The following DCTN1 variants were observed in gnomAD, a reference collection of about 807,000 sequenced individuals.
The protein encoded by DCTN1 is dynactin subunit 1, also known as 150 kDa dynein-associated polypeptide.
DCTN1 carries 61 observed loss-of-function variants against 161.2 expected under a neutral mutation model. The ratio of observed to expected loss-of-function variants is 0.38; its 90% CI spans 0.31 to 0.47. The LOEUF (loss-of-function observed/expected upper bound fraction) is 0.47. DCTN1 is among the 20% of genes least tolerant of loss of function. DCTN1 has a pLI of 0.99. For missense variants in DCTN1, 1,404 were observed against 1,623.7 expected, an observed-to-expected ratio of 0.86 and a Z score of 2.33; for synonymous variants, 653 against 632.4, an observed-to-expected ratio of 1.03 and a Z score of -0.49.
intron 18 of DCTN1, 61 bp from the exon 19 acceptor site, chr2:74,367,481 A>C: frequency 1.3e-6 from 2 of 1,593,264 alleles, no homozygotes; most frequent in Non-Finnish European, 1.7e-6. Context: ...AGTTCTTCCC[A>C]AACTGTAGTT....
Position 74,369,836 on chromosome 2 carries a change from A to G in DCTN1, c.1392+129T>C, listed in dbSNP as rs1220321661. The G allele has an allele frequency of 4.9e-6, 4 of 817,350 alleles. No homozygotes were observed. Among genetic ancestry groups the G allele is most frequent in the South Asian group, 1.5e-5 (1 of 64,902 alleles). The allele number at this position is 817,350 out of a possible 1,614,324, so 50.6% of individuals were successfully genotyped here. A position where few individuals can be genotyped will look rare whatever the true frequency, so the allele number is the denominator to read the frequency against. On this transcript the variant is annotated intron_variant, in intron 13 of 31. Transcript: ENST00000628224. This position sits in a 1 kb window ranked among gnomAD's most constrained non-coding sequence, Gnocchi z 4.9. Reference sequence around the variant, plus strand: ...TCTCAGAAAAAAAAAAAAAAAAAAAAGGCAGGGTCAGGGTAGCAAGCCCAG... The same window carrying G: ...TCTCAGAAAAAAAAAAAAAAAAAAAGGGCAGGGTCAGGGTAGCAAGCCCAG...
rs1239381112 is a variant in DCTN1, at chr2:74,370,911, G to A, written c.843+68C>T. 5 of 1,613,274 alleles carry A rather than the reference G, an allele frequency of 3.1e-6. No homozygotes were observed. Among genetic ancestry groups the A allele is most frequent in the Non-Finnish European group, 4.2e-6 (5 of 1,179,934 alleles). ...CAGTATGTTCCAGGCTCCAGCTCCA[G>A]TCTAGTTTCCAGCATGCTTCCTTAG... On this transcript the variant is annotated intron_variant, in intron 9 of 31. Coordinates refer to ENST00000628224, the MANE Select transcript of DCTN1 (RefSeq NM_004082.5). This position sits in a 1 kb window ranked among gnomAD's most constrained non-coding sequence, Gnocchi z 4.4.
rs538291598 is a variant in DCTN1, at chr2:74,362,664, C to T, written c.3595G>A (p.Val1199Ile). Residue 1199 changes from valine to isoleucine, a missense_variant, in exon 30 of 32, where the codon GTC (valine) becomes ATC (isoleucine). This residue lies in a region of DCTN1 where 311 missense variants were observed against 298.9 expected (regional missense o/e 1.04). Transcript: ENST00000628224. Reference protein sequence around the residue: ...VAQLKSLSDTVEKLKDEVLKE... With the variant: ...VAQLKSLSDTIEKLKDEVLKE... Reference sequence around the variant, plus strand: ...ACTGAGCTGACCTTGAGCTTCTCGACGGTGTCACTCAGGGACTTAAGCTGA... The same window carrying T: ...ACTGAGCTGACCTTGAGCTTCTCGATGGTGTCACTCAGGGACTTAAGCTGA... The T allele has an allele frequency of 7.8e-5, 126 of 1,613,890 alleles. 1 individual carries two copies. The South Asian group carries it at 1.3e-3, about 16-fold the overall frequency.
upstream of DCTN1, among the ~76,000 whole-genome samples, chr2:74,383,238 G>A (rs1675593056): frequency 6.6e-6 from 1 of 152,250 alleles, no homozygotes; most frequent in Admixed American, 6.5e-5. Context: ...GTAACGAATT[G>A]TAGATGGTTA....
At position 74,371,009 on chromosome 2, in the gene DCTN1, G is replaced by A; in HGVS notation, c.813C>T (p.Asp271=). 6.2e-7 allele frequency: 1 copy of A among 1,614,106 alleles called. No homozygotes were observed. The highest frequency in any genetic ancestry group is 1.3e-5 in the African/African-American group (1 of 75,054). Reference sequence around the variant, plus strand: ...TCGCCTCCTTGAGGCGCCGCTGCAGGTCGGCCTGCTGCTCCTGCATTTTGC... The same window carrying A: ...TCGCCTCCTTGAGGCGCCGCTGCAGATCGGCCTGCTGCTCCTGCATTTTGC... ...WKSKMQEQQA[D]LQRRLKEARK... Residue 271 remains aspartate, a synonymous_variant, in exon 9 of 32, where the codon GAC becomes GAT. Coordinates refer to ENST00000628224, the MANE Select transcript of DCTN1 (RefSeq NM_004082.5).
At chr2:74,377,521 A>C in intron 3 of DCTN1, 55 bp from the exon 4 acceptor site, 1 of 1,555,122 alleles carries the variant, frequency 6.4e-7, no homozygotes, top group Non-Finnish European at 8.9e-7. Flanking sequence ...GTAGGGGGAG[A>C]TATAATAAGG....
intron 30 of DCTN1, among the ~76,000 whole-genome samples, 175 bp downstream of exon 30, chr2:74,362,475 A>C (rs1054112357): frequency 6.6e-6 from 1 of 152,178 alleles, no homozygotes; most frequent in Non-Finnish European, 1.5e-5. Context: ...TGTTATGAGA[A>C]TCTGTCTTCT....
Position 74,370,099 on chromosome 2 carries a change from C to G in DCTN1, c.1288-30G>C, listed in dbSNP as rs1458875730. The G allele has an allele frequency of 6.2e-7, 1 of 1,614,010 alleles. No individual in the cohort carries two copies. Among genetic ancestry groups the G allele is most frequent in the Non-Finnish European group, 8.5e-7 (1 of 1,180,004 alleles). ...GTTACGGGGAGGATAGGGAGAAGGG[C>G]TGCTGGAAGGTACCTAGAAAGAGGA... On this transcript the variant is annotated intron_variant, in intron 12 of 31. Coordinates refer to ENST00000628224, the MANE Select transcript of DCTN1 (RefSeq NM_004082.5). The surrounding 1 kb of genome is among the most constrained non-coding windows in gnomAD (Gnocchi z 4.4).
Position 74,366,353 on chromosome 2 carries a change from C to T in DCTN1, c.2651G>A (p.Ser884Asn). Reference sequence around the variant, plus strand: ...TGACTGGCGCAGACACTCATAGGGGCTGCTGGAGGGGGTCCCATAGATCTG... The same window carrying T: ...TGACTGGCGCAGACACTCATAGGGGTTGCTGGAGGGGGTCCCATAGATCTG... ...SEQIYGTPSSSPYECLRQSCN... is the reference protein window; with the variant it reads ...SEQIYGTPSSNPYECLRQSCN... Residue 884 changes from serine (S) to asparagine (N), a missense_variant, in exon 23 of 32, where the codon AGC (serine) becomes AAC (asparagine). Ser to Asn is a conservative substitution (Grantham distance 46, BLOSUM62 1). Around this residue, in one of 9 missense-constraint regions of DCTN1, gnomAD observed 475 missense variants for 489.8 expected, o/e 0.97. Coordinates refer to ENST00000628224, the MANE Select transcript of DCTN1 (RefSeq NM_004082.5). The T allele has an allele frequency of 6.2e-7, 1 of 1,614,216 alleles. No individual in the cohort carries two copies. Among genetic ancestry groups the T allele is most frequent in the East Asian group, 2.2e-5 (1 of 44,880 alleles).
In DCTN1 at chr2:74,367,058, C is replaced by T. The variant is rs368869853; in HGVS notation, c.2303G>A (p.Arg768His). ...ATGTGTTCTCACCTGCAAGAAGGCA[C>T]GCAGCCGTCCTACCTCCACACTCAT... ...DCMSVEVGRL[R>H]AFLQGGQEAT... Residue 768 changes from arginine to histidine, a missense_variant, in exon 20 of 32, where the codon CGT becomes CAT. Arg to His is a conservative substitution (Grantham distance 29, BLOSUM62 0). Transcript: ENST00000628224. The T allele has an allele frequency of 2.7e-5, 43 of 1,614,108 alleles. No homozygotes were observed. The highest frequency in any genetic ancestry group is 6.7e-5 in the African/African-American group (5 of 74,926).
rs773394692 is a variant in DCTN1, at chr2:74,370,360, G to T, written c.1128-15C>A. On this transcript the variant is annotated splice_polypyrimidine_tract_variant and intron_variant, in intron 11 of 31. Coordinates refer to ENST00000628224, the MANE Select transcript of DCTN1 (RefSeq NM_004082.5). This position sits in a 1 kb window ranked among gnomAD's most constrained non-coding sequence, Gnocchi z 4.4. ...GATCCCGCATCCTGCAGGGATGTGAGGAAGGCAGAAGGAGGAAAGCACGTG... is the reference window on the plus strand; with the variant it reads ...GATCCCGCATCCTGCAGGGATGTGATGAAGGCAGAAGGAGGAAAGCACGTG... The T allele has an allele frequency of 1.9e-6, 3 of 1,614,014 alleles. No homozygotes were observed. The highest frequency in any genetic ancestry group is 2.5e-6 in the Non-Finnish European group (3 of 1,180,042).
Position 74,370,908 on chromosome 2 carries a change from C to T in DCTN1, c.843+71G>A. On this transcript the variant is annotated intron_variant, in intron 9 of 31. Coordinates refer to ENST00000628224, the MANE Select transcript of DCTN1 (RefSeq NM_004082.5). The surrounding 1 kb of genome is among the most constrained non-coding windows in gnomAD (Gnocchi z 4.4). The stretch of plus-strand genomic sequence containing the variant: ...TCACAGTATGTTCCAGGCTCCAGCT[C>T]CAGTCTAGTTTCCAGCATGCTTCCT... 1.9e-6 allele frequency: 3 copies of T among 1,613,376 alleles called. No homozygotes were observed. Among genetic ancestry groups the T allele is most frequent in the Non-Finnish European group, 2.5e-6 (3 of 1,179,922 alleles).
Position 74,363,510 on chromosome 2 carries a change from C to T in DCTN1, c.3212-83G>A, listed in dbSNP as rs893938235. ...TCCATTCCTACTCTTCCCCTTTCCTCATCCCCCCATCACCCATCTCCAGTC... is the reference window on the plus strand; with the variant it reads ...TCCATTCCTACTCTTCCCCTTTCCTTATCCCCCCATCACCCATCTCCAGTC... On this transcript the variant is annotated intron_variant, in intron 27 of 31. Transcript: ENST00000628224. 7 of 1,596,778 alleles carry T rather than the reference C, an allele frequency of 4.4e-6. No homozygotes were observed. The African/African-American group carries it at 8.0e-5, about 18-fold the overall frequency.
chr2:74,366,024 G>A lies in DCTN1; in HGVS notation c.2761-6C>T. The stretch of plus-strand genomic sequence containing the variant: ...CGCAGTTCAACCGGTGGAGGCTAAG[G>A]AATGGTCGGTAGGGGGTGAGAAAGT... On this transcript the variant is annotated splice_region_variant and splice_polypyrimidine_tract_variant and intron_variant, in intron 23 of 31. Transcript: ENST00000628224. 1 of 1,614,224 alleles carries A rather than the reference G, an allele frequency of 6.2e-7. No homozygotes were observed. Among genetic ancestry groups the A allele is most frequent in the Non-Finnish European group, 8.5e-7 (1 of 1,180,038 alleles).
intron 19 of DCTN1, 63 bp from the exon 20 acceptor site, chr2:74,367,170 C>T: frequency 6.3e-7 from 1 of 1,597,994 alleles, no homozygotes; most frequent in Non-Finnish European, 8.6e-7. Context: ...TTATCAACAT[C>T]TCTAAGAAGT....
intron 4 of DCTN1, 117 bp from the exon 5 acceptor site, chr2:74,376,879 A>C: frequency 1.1e-6 from 1 of 877,794 alleles, no homozygotes; most frequent in Non-Finnish European, 1.9e-6. Context: ...GGGTGAGATG[A>C]GTAGCCCCTC....
intron 4 of DCTN1, 140 bp from the exon 5 acceptor site, chr2:74,376,902 C>T (rs1473476496): frequency 6.5e-6 from 5 of 771,760 alleles, no homozygotes; most frequent in Non-Finnish European, 1.1e-5. Flanking sequence ...AGATCAGCTT[C>T]CAGGATGTTC....
intron 6 of DCTN1, among the ~76,000 whole-genome samples, chr2:74,373,940 G>C (rs1347813792): frequency 1.3e-5 from 2 of 152,192 alleles, no homozygotes. Context: ...GAACAACCAA[G>C]AGGTATTCTA....
rs1235796246 is a variant in DCTN1 at position 74,371,634 on chromosome 2, G to A, written c.548C>T (p.Pro183Leu). 1 of 1,592,650 alleles carries A rather than the reference G, an allele frequency of 6.3e-7. No homozygotes were observed. The highest frequency in any genetic ancestry group is 8.5e-7 in the Non-Finnish European group (1 of 1,170,656). ...CAGCGGAGTCTGAGCCGGGGTGCTG[G>A]GCTCACTGCTGCTCAGCTCACCTGC... is the stretch of plus-strand genomic sequence containing the variant. Reference protein sequence around the residue: ...ASAGELSSSEPSTPAQTPLAA... With the variant: ...ASAGELSSSELSTPAQTPLAA... Residue 183 changes from proline (P) to leucine (L), a missense_variant, in exon 8 of 32, where the codon CCC becomes CTC. Pro to Leu is a moderately conservative substitution (Grantham distance 98). Transcript: ENST00000628224.
Sources: allele counts gnomAD v4.1 joint callset (sites outside exome capture counted in the v4.1 genomes callset), GRCh38; gene constraint gnomAD v4.1.1; regional missense constraint gnomAD v4.1.1; non-coding constraint Gnocchi (gnomAD v3.1); transcripts MANE v1.5; gene names NCBI Gene and HGNC (gene_info 2026-07-23, HGNC 2026-07-21).